Variants in MACROD2 observed in about 807,000 individuals in gnomAD.
MACROD2 encodes the protein mono-ADP ribosylhydrolase 2.
In MACROD2, 36 loss-of-function variants were observed where a neutral mutation model predicts 70.4. That is an observed-to-expected ratio of 0.51 (90% CI 0.39 to 0.68). The LOEUF (loss-of-function observed/expected upper bound fraction) is 0.68, where lower values mean the gene tolerates loss of function less well. Among genes scored for constraint, MACROD2 ranks in the 30% least tolerant of loss-of-function variants. MACROD2 has a pLI of 0.00. For missense variants in MACROD2, 496 were observed against 538.4 expected (o/e 0.92, Z 0.78); for synonymous variants, 172 against 178.8 (o/e 0.96, Z 0.30).
At chr20:15,878,565 C>T (rs1327841943) in intron 9 of MACROD2, among the ~76,000 whole-genome samples, 1 of 152,082 alleles carries the variant, frequency 6.6e-6, no homozygotes, top group Non-Finnish European at 1.5e-5. Context: ...GTTTATTTCA[C>T]TTCCCCAAAA....
intron 5 of MACROD2, among the ~76,000 whole-genome samples, chr20:14,755,126 A>G (rs2123742792): frequency 6.6e-6 from 1 of 152,172 alleles, no homozygotes; most frequent in Middle Eastern, 3.4e-3. Context: ...TCATCCTTAG[A>G]AATTAGGGTG....
intron 8 of MACROD2, among the ~76,000 whole-genome samples, chr20:15,798,783 T>C (rs2063698101): frequency 6.6e-6 from 1 of 152,198 alleles, no homozygotes; most frequent in Admixed American, 6.5e-5. Flanking sequence ...GAGCACAGAA[T>C]GTAGGTCTAT....
intron 2 of MACROD2, among the ~76,000 whole-genome samples, chr20:14,066,337 C>A (rs566452890): frequency 1.3e-5 from 2 of 152,144 alleles, no homozygotes; most frequent in Non-Finnish European, 2.9e-5. Flanking sequence ...CTCTGCTAGA[C>A]CCTGTAAAAT....
intron 2 of MACROD2, among the ~76,000 whole-genome samples, chr20:14,012,317 T>C (rs2052922355): frequency 6.6e-6 from 1 of 152,244 alleles, no homozygotes; most frequent in Non-Finnish European, 1.5e-5. Flanking sequence ...TAAGTTGTCA[T>C]ATAATGACTT....
intron 6 of MACROD2, among the ~76,000 whole-genome samples, chr20:15,262,304 T>A (rs1035145486): frequency 6.6e-6 from 1 of 152,072 alleles, no homozygotes; most frequent in Non-Finnish European, 1.5e-5. Flanking sequence ...GTAAAGCTTG[T>A]CTTTCTGTGC....
chr20:15,217,280 AG>A (rs1476534887), intron 5 of MACROD2, among the ~76,000 whole-genome samples: 1 of 152,202 alleles, frequency 6.6e-6, no homozygotes, highest in Non-Finnish European at 1.5e-5. Context: ...TAGAAGTACT[AG>A]TGATAAGTAG....
chr20:14,174,589 C>T (rs557636393), intron 3 of MACROD2, among the ~76,000 whole-genome samples: 35 of 152,284 alleles, frequency 2.3e-4, no homozygotes, highest in African/African-American at 3.8e-4. Flanking sequence ...CCAGGCCTCC[C>T]GGCTGAGAAA....
chr20:15,999,842 GA>G (rs1395731112), intron 15 of MACROD2, among the ~76,000 whole-genome samples: 1 of 152,214 alleles, frequency 6.6e-6, no homozygotes, highest in Non-Finnish European at 1.5e-5. Context: ...TGGTGGTGCA[GA>G]ATTATTAAAG....
intron 6 of MACROD2, among the ~76,000 whole-genome samples, chr20:15,358,137 C>CTAA (rs2078310590): frequency 6.6e-6 from 1 of 152,114 alleles, no homozygotes; most frequent in African/African-American, 2.4e-5. Context: ...GTTCATTCAG[C>CTAA]TAATTCAAAA....
chr20:15,961,948 C>T (rs533315899), intron 12 of MACROD2, among the ~76,000 whole-genome samples: 1 of 152,282 alleles, frequency 6.6e-6, no homozygotes, highest in Non-Finnish European at 1.5e-5. Flanking sequence ...TCACAGACAA[C>T]TGAAAATAAG....
chr20:14,618,330 C>T (rs1983600453), intron 4 of MACROD2, among the ~76,000 whole-genome samples: 1 of 152,090 alleles, frequency 6.6e-6, no homozygotes, highest in African/African-American at 2.4e-5. Flanking sequence ...GTAGAATGCT[C>T]AAATACAGAT....
intron 5 of MACROD2, among the ~76,000 whole-genome samples, chr20:14,900,871 G>T (rs1055524572): frequency 1.3e-5 from 2 of 150,816 alleles, no homozygotes; most frequent in African/African-American, 4.9e-5. Context: ...TCTTTTTCTG[G>T]TTTCTTTCAG....
At chr20:15,651,439 G>T (rs1425855399) in intron 8 of MACROD2, among the ~76,000 whole-genome samples, 1 of 152,140 alleles carries the variant, frequency 6.6e-6, no homozygotes, top group Non-Finnish European at 1.5e-5. Context: ...CCCAGAACTT[G>T]CACTAGGAAA....
chr20:15,080,176 T>A (rs1464902191), intron 5 of MACROD2, among the ~76,000 whole-genome samples: 1 of 151,964 alleles, frequency 6.6e-6, no homozygotes, highest in Non-Finnish European at 1.5e-5. Flanking sequence ...CTCTCTCCTG[T>A]GTCCCCTCTT....
intron 3 of MACROD2, among the ~76,000 whole-genome samples, chr20:14,188,031 A>G (rs1028262885): frequency 1.3e-5 from 2 of 151,626 alleles, no homozygotes; most frequent in Admixed American, 6.6e-5. Flanking sequence ...TTGGTAGTTC[A>G]TCCTATAGAA....
intron 8 of MACROD2, among the ~76,000 whole-genome samples, chr20:15,843,427 G>A (rs1457353801): frequency 6.6e-6 from 1 of 152,158 alleles, no homozygotes; most frequent in Non-Finnish European, 1.5e-5. Context: ...TTAATTCTAT[G>A]TGATATTTTC....
chr20:15,101,608 G>C (rs201371258), intron 5 of MACROD2, among the ~76,000 whole-genome samples: 1 of 41,056 alleles, frequency 2.4e-5, no homozygotes, highest in Non-Finnish European at 4.8e-5. Flanking sequence ...TTAAGAGTTG[G>C]TGGTTGGAAG....
intron 6 of MACROD2, among the ~76,000 whole-genome samples, chr20:15,236,317 T>G (rs1032037805): frequency 6.6e-6 from 1 of 152,126 alleles, no homozygotes; most frequent in Non-Finnish European, 1.5e-5. Flanking sequence ...AGGGCGGGCA[T>G]GGAATGATAG....
intron 8 of MACROD2, among the ~76,000 whole-genome samples, chr20:15,539,494 T>C (rs989720344): frequency 5.3e-5 from 8 of 152,222 alleles, no homozygotes; most frequent in African/African-American, 1.9e-4. Flanking sequence ...ATTGCTTCTT[T>C]GTTATTGTTG....
Sources: allele counts gnomAD v4.1 joint callset (sites outside exome capture counted in the v4.1 genomes callset), GRCh38; gene constraint gnomAD v4.1.1; transcripts MANE v1.5; gene names NCBI Gene and HGNC (gene_info 2026-07-23, HGNC 2026-07-21).